The following ARNT2 variants were observed in gnomAD, a reference collection of about 807,000 sequenced individuals.
ARNT2 encodes the protein aryl hydrocarbon receptor nuclear translocator 2.
Under a neutral mutation model 91.7 loss-of-function variants are expected in ARNT2, and 36 were observed. The observed-to-expected ratio is 0.39, with a 90% CI of 0.30 to 0.52. ARNT2 has a LOEUF of 0.52. ARNT2 is among the 20% of genes least tolerant of loss of function. The pLI is 0.72. For missense variants in ARNT2, 775 were observed against 939.3 expected (o/e 0.83, Z 2.29); for synonymous variants, 365 against 347.1 (o/e 1.05, Z -0.57).
chr15:80,519,455 C>G (rs1897497762), intron 8 of ARNT2, among the ~76,000 whole-genome samples: 1 of 152,122 alleles, frequency 6.6e-6, no homozygotes. Flanking sequence ...CTTCATCTGG[C>G]TCAGTGACAA....
intron 1 of ARNT2, among the ~76,000 whole-genome samples, chr15:80,448,618 A>G (rs1206157365): frequency 6.6e-6 from 1 of 152,238 alleles, no homozygotes; most frequent in African/African-American, 2.4e-5. Context: ...AGGATTACCA[A>G]CAATGGCTAA....
intron 7 of ARNT2, 92 bp downstream of exon 7, chr15:80,514,068 A>G: frequency 7.7e-7 from 1 of 1,291,342 alleles, no homozygotes; most frequent in Non-Finnish European, 1.1e-6. Flanking sequence ...GAAGGGGCTT[A>G]GTGTGGTGAG....
At chr15:80,563,298 C>T in intron 12 of ARNT2, 59 bp downstream of exon 12, 3 of 1,597,810 alleles carry the variant, frequency 1.9e-6, no homozygotes, top group Non-Finnish European at 2.6e-6. Context: ...GGGTCCAGAG[C>T]TGGCAATTTT....
At chr15:80,435,481 C>T (rs146428298) in intron 1 of ARNT2, among the ~76,000 whole-genome samples, 353 of 152,244 alleles carry the variant, frequency 2.3e-3, no homozygotes, top group Middle Eastern at 6.8e-3. Flanking sequence ...TCATCCTGGG[C>T]CCTGGTCCTC....
rs761547949 is a variant in ARNT2 at position 80,404,543 on chromosome 15, C to T, written c.28C>T (p.Pro10Ser). 52 of 1,194,768 alleles carry T rather than the reference C, an allele frequency of 4.4e-5. No individual in the cohort carries two copies. In the Admixed American group the frequency reaches 6.6e-4, roughly 15 times the overall value. 74.0% of individuals were successfully genotyped at this position (1,194,768 alleles called of 1,614,324 possible). A position where few individuals can be genotyped will look rare whatever the true frequency, so the allele number is the denominator to read the frequency against. MATPAAVNP[P>S]EMASDIPGSV... is the part of the protein sequence containing the mutation. ...GGCAACCCCGGCGGCGGTCAACCCT[C>T]CGGGTGAGTAGCGGCCTGGGCCCCG... The change falls in exon 1 of 19, where the codon CCG becomes TCG. Residue 10 changes from proline to serine, a missense_variant. Physicochemically the swap from Pro to Ser is moderately conservative, Grantham distance 74. Transcript: ENST00000303329. The surrounding 1 kb of genome is among the most constrained non-coding windows in gnomAD (Gnocchi z 5.5).
intron 5 of ARNT2, among the ~76,000 whole-genome samples, chr15:80,507,323 G>A (rs896682279): frequency 6.6e-6 from 1 of 152,152 alleles, no homozygotes; most frequent in Non-Finnish European, 1.5e-5. Flanking sequence ...CAAGGTGGGG[G>A]ATGGATGCAG....
intron 12 of ARNT2, among the ~76,000 whole-genome samples, chr15:80,571,089 T>G (rs774872160): frequency 3.3e-5 from 5 of 152,234 alleles, no homozygotes; most frequent in Non-Finnish European, 7.3e-5. Context: ...TATTTTGTGT[T>G]TCTCCAGGGG....
intron 1 of ARNT2, among the ~76,000 whole-genome samples, chr15:80,414,993 A>G: frequency 6.6e-6 from 1 of 152,212 alleles, no homozygotes; most frequent in East Asian, 1.9e-4. Flanking sequence ...AATTTATGCA[A>G]ATGACTGACC....
chr15:80,523,735 C>T (rs1410237316), intron 8 of ARNT2, among the ~76,000 whole-genome samples: 3 of 152,080 alleles, frequency 2.0e-5, no homozygotes, highest in African/African-American at 7.2e-5. Context: ...GAGGCTGAGG[C>T]CCAAGGTGCG....
At chr15:80,522,285 C>T (rs1897560282) in intron 8 of ARNT2, among the ~76,000 whole-genome samples, 1 of 152,138 alleles carries the variant, frequency 6.6e-6, no homozygotes, top group Non-Finnish European at 1.5e-5. Flanking sequence ...AACTGAGGCA[C>T]AGAGCTATAA....
intron 1 of ARNT2, among the ~76,000 whole-genome samples, chr15:80,439,242 C>G (rs1896147383): frequency 6.6e-6 from 1 of 152,070 alleles, no homozygotes; most frequent in African/African-American, 2.4e-5. Flanking sequence ...GCAATAAGTT[C>G]ATGTGGCATG....
intron 1 of ARNT2, chr15:80,443,093 G>T (rs1595964229): frequency 1.1e-6 from 1 of 913,562 alleles, no homozygotes. Flanking sequence ...TCAGAGACAG[G>T]CCTCCTTGAG....
chr15:80,512,815 C>T (rs56087244), intron 6 of ARNT2, among the ~76,000 whole-genome samples: 48,977 of 152,126 alleles, frequency 0.32, 8,587 homozygotes, highest in Non-Finnish European at 0.38. Context: ...AGTGTCCTTC[C>T]AGGGAGCGTG....
intron 6 of ARNT2, among the ~76,000 whole-genome samples, chr15:80,511,540 A>G (rs777282093): frequency 6.6e-6 from 1 of 152,196 alleles, no homozygotes; most frequent in African/African-American, 2.4e-5. Flanking sequence ...AAAGATGCCC[A>G]CAGACACCTA....
intron 6 of ARNT2, among the ~76,000 whole-genome samples, chr15:80,511,521 T>TA (rs77373981): frequency 5.9e-4 from 85 of 142,934 alleles, no homozygotes; most frequent in African/African-American, 1.6e-3. Flanking sequence ...ACTTAAAAAC[T>TA]AAAAAAAAAA....
chr15:80,437,268 G>T (rs569715420), intron 1 of ARNT2, among the ~76,000 whole-genome samples: 1 of 152,218 alleles, frequency 6.6e-6, no homozygotes, highest in East Asian at 1.9e-4. Context: ...CTCTTGCCCC[G>T]ACTTCAGAGC....
chr15:80,446,495 A>G (rs1053843045), intron 1 of ARNT2, among the ~76,000 whole-genome samples: 2 of 152,122 alleles, frequency 1.3e-5, no homozygotes, highest in African/African-American at 4.8e-5. Context: ...GCCTTAGCAC[A>G]TCTCTTGCCA....
At chr15:80,473,344 C>T (rs369671019) in intron 4 of ARNT2, among the ~76,000 whole-genome samples, 3 of 152,100 alleles carry the variant, frequency 2.0e-5, no homozygotes, top group East Asian at 3.9e-4. Context: ...AAAAGAGGGT[C>T]CGTGATGCGA....
intron 12 of ARNT2, among the ~76,000 whole-genome samples, chr15:80,569,098 C>T (rs1048230785): frequency 6.6e-6 from 1 of 152,186 alleles, no homozygotes; most frequent in African/African-American, 2.4e-5. Flanking sequence ...CATCCCCAGA[C>T]GCCTCCCAGT....
Sources: gnomAD v4.1 joint callset for allele counts (sites outside exome capture counted in the v4.1 genomes callset) on GRCh38, gnomAD v4.1.1 for gene constraint, Gnocchi (gnomAD v3.1) non-coding constraint, MANE v1.5 for transcripts, NCBI Gene and HGNC (gene_info 2026-07-23, HGNC 2026-07-21) for gene names.